Variants in TUSC3 observed in about 807,000 individuals in gnomAD.
The protein encoded by TUSC3 is tumor suppressor candidate 3.
Under a neutral mutation model 44.8 loss-of-function variants are expected in TUSC3, and 45 were observed. The observed-to-expected ratio is 1.00, with a 90% confidence interval of 0.79 to 1.29. The LOEUF is 1.29. TUSC3 is among the 50% of genes most tolerant of loss of function. TUSC3 has a pLI of 0.00. For missense variants in TUSC3, 519 were observed against 437.9 expected, an observed-to-expected ratio of 1.19 and a Z score of -1.65; for synonymous variants, 212 against 152.9, an observed-to-expected ratio of 1.39 and a Z score of -2.85.
chr8:15,650,817 A>G lies in TUSC3; in HGVS notation c.426+3A>G, dbSNP rs767847277. ...AGGGGACAGACGTTTTTCAGCAGGT[A>G]AAGAGTTATATCGTATTCATATATT... On this transcript the variant is annotated splice_donor_region_variant and intron_variant, in intron 3 of 10. Transcript: ENST00000503731. 4 of 1,609,942 alleles carry G rather than the reference A, an allele frequency of 2.5e-6. No homozygotes were observed. The highest frequency in any genetic ancestry group is 2.2e-5 in the South Asian group (2 of 91,012).
intron 6 of TUSC3, among the ~76,000 whole-genome samples, chr8:15,714,388 C>T (rs1034374481): frequency 3.3e-5 from 5 of 152,118 alleles, no homozygotes; most frequent in Non-Finnish European, 5.9e-5. Flanking sequence ...AAAAAAATGA[C>T]ATCTCATCGC....
intron 1 of TUSC3, among the ~76,000 whole-genome samples, chr8:15,594,993 G>T (rs1804003587): frequency 6.6e-6 from 1 of 152,024 alleles, no homozygotes; most frequent in African/African-American, 2.4e-5. Context: ...TATACTTCGG[G>T]GCAATATGAT....
chr8:15,851,126 C>A, the TUSC3 span, among the ~76,000 whole-genome samples: 24,154 of 152,192 alleles, frequency 0.16, 2,193 homozygotes, highest in East Asian at 0.32. Context: ...CATTAATGAT[C>A]TAAAAATATG....
intron 1 of TUSC3, among the ~76,000 whole-genome samples, chr8:15,590,514 A>G (rs766441620): frequency 1.3e-5 from 2 of 151,972 alleles, no homozygotes; most frequent in Non-Finnish European, 2.9e-5. Context: ...TTAACATTTA[A>G]TTTTTGTTTT....
chr8:15,726,019 T>C (rs950435342), intron 6 of TUSC3, among the ~76,000 whole-genome samples: 2 of 152,158 alleles, frequency 1.3e-5, no homozygotes, highest in African/African-American at 4.8e-5. Context: ...TCAAGTAACC[T>C]TTTGGTCCAC....
At chr8:15,722,574 G>A (rs1429037226) in intron 6 of TUSC3, among the ~76,000 whole-genome samples, 1 of 151,970 alleles carries the variant, frequency 6.6e-6, no homozygotes, top group Non-Finnish European at 1.5e-5. Context: ...CAGGATGACT[G>A]CAATTTGAAT....
intron 1 of TUSC3, among the ~76,000 whole-genome samples, chr8:15,438,586 A>G (rs1799980905): frequency 6.6e-6 from 1 of 152,156 alleles, no homozygotes; most frequent in African/African-American, 2.4e-5. Context: ...AATACTATTC[A>G]TGGGACCACC....
chr8:15,641,235 C>A (rs1806352386), intron 2 of TUSC3, among the ~76,000 whole-genome samples: 1 of 152,052 alleles, frequency 6.6e-6, no homozygotes, highest in African/African-American at 2.4e-5. Context: ...GTGGCACTCG[C>A]CTGTAGTCCC....
At chr8:15,485,125 T>C (rs2129125126) in intron 2 of TUSC3, among the ~76,000 whole-genome samples, 1 of 152,294 alleles carries the variant, frequency 6.6e-6, no homozygotes, top group South Asian at 2.1e-4. Context: ...TTTGCCAGCA[T>C]TGATTCCTCT....
At chr8:15,848,398 G>C in the TUSC3 span, among the ~76,000 whole-genome samples, 15 of 152,298 alleles carry the variant, frequency 9.8e-5, no homozygotes, top group South Asian at 3.1e-3. Context: ...CAGAAAACAG[G>C]ATGTCTTTCC....
At chr8:15,698,953 C>T (rs981352929) in intron 6 of TUSC3, among the ~76,000 whole-genome samples, 5 of 151,648 alleles carry the variant, frequency 3.3e-5, no homozygotes, top group African/African-American at 1.2e-4. Context: ...CTCAAGCCAT[C>T]CTCCCACCTC....
chr8:15,714,831 G>A (rs1164702059), intron 6 of TUSC3, among the ~76,000 whole-genome samples: 1 of 152,092 alleles, frequency 6.6e-6, no homozygotes, highest in African/African-American at 2.4e-5. Context: ...TCTGGTAGAT[G>A]TTAGTTTTAT....
the TUSC3 span, among the ~76,000 whole-genome samples, chr8:15,809,745 T>G: frequency 2.0e-5 from 3 of 152,348 alleles, no homozygotes; most frequent in East Asian, 5.8e-4. Flanking sequence ...TAACCAAAAC[T>G]GTAGCAAGTG....
At chr8:15,493,630 G>C (rs995055807) in intron 2 of TUSC3, among the ~76,000 whole-genome samples, 2 of 152,052 alleles carry the variant, frequency 1.3e-5, no homozygotes, top group Non-Finnish European at 2.9e-5. Flanking sequence ...ACTATACTAG[G>C]GAGGTGCAAT....
intron 6 of TUSC3, among the ~76,000 whole-genome samples, chr8:15,724,445 T>C (rs1563191405): frequency 6.6e-6 from 1 of 152,134 alleles, no homozygotes; most frequent in Admixed American, 6.6e-5. Context: ...AAGATGAATT[T>C]CAGAGATAGG....
chr8:15,539,786 T>C (rs2129132180), upstream of TUSC3, among the ~76,000 whole-genome samples: 1 of 152,080 alleles, frequency 6.6e-6, no homozygotes, highest in African/African-American at 2.4e-5. Context: ...TGAAGTGGAG[T>C]CTAGGTTGTG....
chr8:15,492,251 C>T (rs896981755), intron 2 of TUSC3, among the ~76,000 whole-genome samples: 1 of 152,112 alleles, frequency 6.6e-6, no homozygotes, highest in African/African-American at 2.4e-5. Flanking sequence ...TGGGAGTTAG[C>T]ACGAACTCAA....
intron 1 of TUSC3, among the ~76,000 whole-genome samples, chr8:15,592,985 T>C (rs1332617686): frequency 1.3e-5 from 2 of 152,158 alleles, no homozygotes; most frequent in Non-Finnish European, 2.9e-5. Context: ...GAATTTTGAG[T>C]GTGAGGAAAG....
chr8:15,657,295 C>T, intron 3 of TUSC3, among the ~76,000 whole-genome samples: 1 of 151,824 alleles, frequency 6.6e-6, no homozygotes, highest in Middle Eastern at 3.4e-3. Flanking sequence ...CATTTTTTGT[C>T]TTCTATTTTA....
Sources: gnomAD v4.1 joint callset for allele counts (sites outside exome capture counted in the v4.1 genomes callset) on GRCh38, gnomAD v4.1.1 for gene constraint, MANE v1.5 for transcripts, NCBI Gene and HGNC (gene_info 2026-07-23, HGNC 2026-07-21) for gene names.